Variants in PPP3CB observed in about 807,000 individuals in gnomAD.
PPP3CB encodes protein phosphatase 3 catalytic subunit beta.
In PPP3CB, 8 loss-of-function variants were observed where a neutral mutation model predicts 66.4. The ratio of observed to expected loss-of-function variants is 0.12; its 90% confidence interval spans 0.07 to 0.22. The LOEUF (loss-of-function observed/expected upper bound fraction) is 0.22. Ranked by LOEUF, PPP3CB falls within the 10% of genes least tolerant of loss-of-function variation. The pLI is 1.00. For synonymous variants in PPP3CB, 208 were observed against 221.2 expected (o/e 0.94, Z 0.53); for missense variants, 319 against 642.5 (o/e 0.50, Z 5.44).
chr10:73,481,351 A>T (rs921074158), intron 1 of PPP3CB, among the ~76,000 whole-genome samples: 3 of 151,582 alleles, frequency 2.0e-5, no homozygotes, highest in African/African-American at 7.3e-5. Flanking sequence ...GCACACCTGT[A>T]GTCCCAGCTA....
At position 73,438,093 on chromosome 10, in the gene PPP3CB, C is replaced by T; in HGVS notation, c.*149G>A. 1.3e-6 allele frequency: 1 copy of T among 756,482 alleles called. No individual in the cohort carries two copies. Among genetic ancestry groups the T allele is most frequent in the South Asian group, 2.2e-5 (1 of 44,962 alleles). 46.9% of individuals were successfully genotyped at this position (756,482 alleles called of 1,614,324 possible). ...ACATGTCCCAGGGCCCTCAAGCCTC[C>T]ATCCAGGAAGGGGGCTAGGGTCTCA... On this transcript the variant is annotated 3_prime_UTR_variant, in exon 14 of 14. Coordinates refer to ENST00000360663, the MANE Select transcript of PPP3CB (RefSeq NM_021132.4).
chr10:73,446,699 AG>A (rs2056262007), intron 10 of PPP3CB, 126 bp from the exon 11 acceptor site: 8 of 822,450 alleles, frequency 9.7e-6, no homozygotes, highest in Non-Finnish European at 1.0e-5. Context: ...GCTTACATGG[AG>A]GGGACTAGAT....
intron 9 of PPP3CB, among the ~76,000 whole-genome samples, chr10:73,464,855 CG>C (rs2056593364): frequency 1.3e-5 from 2 of 151,208 alleles, no homozygotes; most frequent in Non-Finnish European, 2.9e-5. Flanking sequence ...CACTTAAACC[CG>C]GGGGATGGAC....
At chr10:73,443,264 G>GAA (rs2056183829) in intron 12 of PPP3CB, among the ~76,000 whole-genome samples, 2 of 129,218 alleles carry the variant, frequency 1.5e-5, no homozygotes, top group African/African-American at 3.1e-5. Flanking sequence ...GAGAGAGAGA[G>GAA]AGAGAAAGAA....
At chr10:73,494,260 T>C (rs2057131060) in intron 1 of PPP3CB, among the ~76,000 whole-genome samples, 1 of 151,938 alleles carries the variant, frequency 6.6e-6, no homozygotes, top group Non-Finnish European at 1.5e-5. Flanking sequence ...AACTTAAGCC[T>C]AGGTGCAAAT....
intron 10 of PPP3CB, among the ~76,000 whole-genome samples, chr10:73,453,678 T>C (rs1424706995): frequency 6.6e-6 from 1 of 152,222 alleles, no homozygotes; most frequent in Non-Finnish European, 1.5e-5. Flanking sequence ...ATAAAAAGTA[T>C]ACTACAACAA....
intron 12 of PPP3CB, chr10:73,444,328 T>C (rs1564547662): frequency 2.3e-6 from 1 of 436,784 alleles, no homozygotes; most frequent in Non-Finnish European, 4.0e-6. Flanking sequence ...ATTTAAAAAA[T>C]TAAAAAAGAA....
At chr10:73,476,552 G>A (rs2056791649) in intron 3 of PPP3CB, among the ~76,000 whole-genome samples, 1 of 151,548 alleles carries the variant, frequency 6.6e-6, no homozygotes, top group Non-Finnish European at 1.5e-5. Context: ...GGGAGGCAGA[G>A]GTTGCAGTGA....
rs376355126 is a variant in PPP3CB at position 73,444,505 on chromosome 10, C to T, written c.1366+220G>A. 8.6e-6 allele frequency: 12 copies of T among 1,401,024 alleles called. No individual in the cohort carries two copies. In the African/African-American group the frequency reaches 8.6e-5, roughly 10 times the overall value. The allele number at this position is 1,401,024 out of a possible 1,614,324, so 86.8% of individuals were successfully genotyped here. On this transcript the variant is annotated intron_variant, in intron 12 of 13. Coordinates refer to ENST00000360663, the MANE Select transcript of PPP3CB (RefSeq NM_021132.4). Reference sequence around the variant, plus strand: ...ATTTCATGAAAAGCTGAGGAACTGACCATTATTTTCAATTGAAAGGAATAC... The same window carrying T: ...ATTTCATGAAAAGCTGAGGAACTGATCATTATTTTCAATTGAAAGGAATAC...
chr10:73,444,831 G>C lies in PPP3CB; in HGVS notation c.1269-9C>G. The C allele has an allele frequency of 6.2e-7, 1 of 1,612,240 alleles. No homozygotes were observed. The highest frequency in any genetic ancestry group is 8.5e-7 in the Non-Finnish European group (1 of 1,179,642). ...CACTTTCACTCTCCTCCCTATAGCA[G>C]AGAGATATAACAAATATCAGATACT... On this transcript the variant is annotated splice_polypyrimidine_tract_variant and intron_variant, in intron 11 of 13. Coordinates refer to ENST00000360663, the MANE Select transcript of PPP3CB (RefSeq NM_021132.4).
chr10:73,459,087 A>G (rs181261825), intron 9 of PPP3CB, among the ~76,000 whole-genome samples: 2 of 152,236 alleles, frequency 1.3e-5, no homozygotes, highest in African/African-American at 4.8e-5. Context: ...AACAACAACA[A>G]TAAAATGGTA....
At chr10:73,488,620 G>A (rs757195144) in intron 1 of PPP3CB, among the ~76,000 whole-genome samples, 1 of 149,984 alleles carries the variant, frequency 6.7e-6, no homozygotes, top group Non-Finnish European at 1.5e-5. Flanking sequence ...AGGAGTAGAA[G>A]TATGGATTGG....
At chr10:73,459,603 T>TTA (rs1484349982) in intron 9 of PPP3CB, among the ~76,000 whole-genome samples, 1 of 152,266 alleles carries the variant, frequency 6.6e-6, no homozygotes, top group Non-Finnish European at 1.5e-5. Context: ...AAATGTGCTA[T>TTA]ATCCATACAA....
In PPP3CB at chr10:73,495,936, GCGGGGGC is replaced by G; in HGVS notation, c.-54_-48del. On this transcript the variant is annotated 5_prime_UTR_variant, in exon 1 of 14. Coordinates refer to ENST00000360663, the MANE Select transcript of PPP3CB (RefSeq NM_021132.4). The stretch of plus-strand genomic sequence containing the variant: ...GGCTCTGGGCCGGGCGGGGTTGGGG[GCGGGGGC>G]GGCGGCTACCAGAGCCAAGCGGCGG... 3 of 1,042,070 alleles carry G rather than the reference GCGGGGGC, an allele frequency of 2.9e-6. No individual in the cohort carries two copies. Among genetic ancestry groups the G allele is most frequent in the Non-Finnish European group, 3.7e-6 (3 of 818,392 alleles). 64.6% of individuals were successfully genotyped at this position (1,042,070 alleles called of 1,614,324 possible).
chr10:73,482,426 C>T (rs1032830495), intron 1 of PPP3CB, among the ~76,000 whole-genome samples: 5 of 150,692 alleles, frequency 3.3e-5, no homozygotes, highest in Non-Finnish European at 7.4e-5. Flanking sequence ...ACCTGTAGTC[C>T]TAGCTACTCG....
chr10:73,463,425 T>C (rs559465829), intron 9 of PPP3CB, among the ~76,000 whole-genome samples: 64 of 152,356 alleles, frequency 4.2e-4, no homozygotes, highest in Admixed American at 1.1e-3. Flanking sequence ...CCTCATGATC[T>C]AGCCCTAACC....
intron 10 of PPP3CB, among the ~76,000 whole-genome samples, chr10:73,449,588 G>A (rs559442528): frequency 1.1e-4 from 17 of 152,134 alleles, no homozygotes; most frequent in Admixed American, 9.8e-4. Context: ...ATAAACACCT[G>A]GAAAAAACTG....
At chr10:73,443,332 A>AAAG (rs1589682236) in intron 12 of PPP3CB, among the ~76,000 whole-genome samples, 1 of 125,474 alleles carries the variant, frequency 8.0e-6, no homozygotes, top group Non-Finnish European at 1.8e-5. Flanking sequence ...AAGAAAGAAA[A>AAAG]AGAAAGAGAA....
intron 1 of PPP3CB, 113 bp downstream of exon 1, chr10:73,495,692 G>A: frequency 7.0e-7 from 1 of 1,430,642 alleles, no homozygotes; most frequent in Non-Finnish European, 9.2e-7. Flanking sequence ...AAGGGAGGCA[G>A]CCAGTCACTC....
Sources: allele counts gnomAD v4.1 joint callset (sites outside exome capture counted in the v4.1 genomes callset), GRCh38; gene constraint gnomAD v4.1.1; transcripts MANE v1.5; gene names NCBI Gene and HGNC (gene_info 2026-07-23, HGNC 2026-07-21).